Variants in ASXL2 observed in about 807,000 individuals in gnomAD.
ASXL2 encodes the protein ASXL transcriptional regulator 2.
Under a neutral mutation model 122.0 loss-of-function variants are expected in ASXL2, and 23 were observed. The observed-to-expected ratio is 0.19, with a 90% CI of 0.14 to 0.27. The LOEUF is 0.27. Among genes scored for constraint, ASXL2 ranks in the 10% least tolerant of loss-of-function variants. The probability of loss-of-function intolerance (pLI) is 1.00; values close to 1 mark genes in which losing one functional copy is unlikely to be tolerated. For missense variants in ASXL2, 1,518 were observed against 1,713.8 expected (o/e 0.89, Z 2.02); for synonymous variants, 650 against 637.0 (o/e 1.02, Z -0.31).
chr2:25,828,699 C>A (rs1182892930), intron 3 of ASXL2, among the ~76,000 whole-genome samples: 1 of 150,968 alleles, frequency 6.6e-6, no homozygotes, highest in Admixed American at 6.6e-5. Context: ...GTGGCAGGCA[C>A]CTGTAATCCC....
intron 4 of ASXL2, among the ~76,000 whole-genome samples, chr2:25,800,430 T>C (rs747967105): frequency 1.3e-5 from 2 of 152,066 alleles, no homozygotes; most frequent in South Asian, 2.1e-4. Context: ...TTGAATCTAA[T>C]TGGTTCCTGA....
At chr2:25,754,808 T>C (rs1195293145) in intron 10 of ASXL2, among the ~76,000 whole-genome samples, 1 of 151,776 alleles carries the variant, frequency 6.6e-6, no homozygotes, top group Non-Finnish European at 1.5e-5. Flanking sequence ...CCGGTAGAAC[T>C]GGTATGTTTT....
intron 12 of ASXL2, among the ~76,000 whole-genome samples, chr2:25,746,116 C>A (rs573355931): frequency 3.9e-4 from 59 of 152,112 alleles, no homozygotes; most frequent in Non-Finnish European, 7.5e-4. Context: ...TGTTCTAAAG[C>A]ATTTAATTAA....
chr2:25,856,709 C>T (rs1286329094), intron 1 of ASXL2: 9 of 1,296,606 alleles, frequency 6.9e-6, no homozygotes, highest in Admixed American at 1.7e-5. Flanking sequence ...ATACCTGGAT[C>T]GATTCAGTCA....
chr2:25,837,405 T>C (rs12990402), intron 2 of ASXL2, among the ~76,000 whole-genome samples: 1 of 152,366 alleles, frequency 6.6e-6, no homozygotes, highest in Non-Finnish European at 1.5e-5. Context: ...CTCAAGTTCT[T>C]ATCTGTTAGA....
chr2:25,735,421 CAA>C lies in ASXL2; in HGVS notation c.*6606_*6607del, dbSNP rs1022286432. 6.6e-6 allele frequency: 1 copy of C among 151,906 alleles called. No individual in the cohort carries two copies. The highest frequency in any genetic ancestry group is 1.9e-4 in the East Asian group (1 of 5,170). 9.4% of individuals were successfully genotyped at this position (151,906 alleles called of 1,614,324 possible). On this transcript the variant is annotated 3_prime_UTR_variant, in exon 13 of 13. Coordinates refer to ENST00000435504, the MANE Select transcript of ASXL2 (RefSeq NM_018263.6). ...GCCCTTTTTAATTCAAGTTGTGACT[CAA>C]GAGAAAAAAGGAAAAGCCACTTCTA... is the stretch of plus-strand genomic sequence containing the variant.
At chr2:25,847,111 TC>T (rs931688718) in intron 1 of ASXL2, among the ~76,000 whole-genome samples, 1 of 152,248 alleles carries the variant, frequency 6.6e-6, no homozygotes, top group Non-Finnish European at 1.5e-5. Context: ...CAGTAATATT[TC>T]CAAACATAAT....
At chr2:25,842,119 A>C (rs1470978935) in intron 2 of ASXL2, among the ~76,000 whole-genome samples, 2 of 151,688 alleles carry the variant, frequency 1.3e-5, no homozygotes, top group East Asian at 3.9e-4. Flanking sequence ...TCTCAAAAAA[A>C]AAAGAAAAAA....
rs556979072 is a variant in ASXL2, at chr2:25,748,308, G to C, written c.1860+1388C>G. 1.2e-4 allele frequency among the ~76,000 whole-genome samples: 18 copies of C among 152,198 alleles called. No individual in the cohort carries two copies. In the South Asian group the frequency reaches 3.7e-3, roughly 32 times the overall value. ...GAGGTCAGGAGTTTGGGACCAGCCT[G>C]GCCAACATGGTGAAACCCCATCTCT... On this transcript the variant is annotated intron_variant, in intron 12 of 12. Coordinates refer to ENST00000435504, the MANE Select transcript of ASXL2 (RefSeq NM_018263.6).
chr2:25,849,467 A>AAAG (rs1328141550), intron 1 of ASXL2, among the ~76,000 whole-genome samples: 2 of 151,550 alleles, frequency 1.3e-5, no homozygotes, highest in Non-Finnish European at 2.9e-5. Flanking sequence ...AAAAAAAAAA[A>AAAG]AAAAAAGTTT....
At chr2:25,856,333 A>T in intron 1 of ASXL2, 1 of 457,864 alleles carries the variant, frequency 2.2e-6, no homozygotes. Context: ...CTGGGATTAC[A>T]GGCATGAGCC....
chr2:25,870,079 G>A (rs575669525), intron 1 of ASXL2, among the ~76,000 whole-genome samples: 25 of 152,092 alleles, frequency 1.6e-4, no homozygotes, highest in African/African-American at 5.3e-4. Context: ...AGAAGCATTC[G>A]TTAACTTATA....
chr2:25,828,517 AAAAT>A (rs2089406126), intron 3 of ASXL2, among the ~76,000 whole-genome samples: 1 of 133,712 alleles, frequency 7.5e-6, no homozygotes, highest in African/African-American at 2.8e-5. Flanking sequence ...TCAAAAAAAA[AAAAT>A]AAAAAGAAAA....
At chr2:25,780,253 T>C (rs1486299001) in intron 5 of ASXL2, 2 of 152,158 alleles carry the variant, frequency 1.3e-5, no homozygotes, top group African/African-American at 4.8e-5. Flanking sequence ...TCTTACTCTG[T>C]TGCCCAGGCG....
At chr2:25,871,342 T>C (rs993810927) in intron 1 of ASXL2, among the ~76,000 whole-genome samples, 4 of 152,154 alleles carry the variant, frequency 2.6e-5, no homozygotes, top group Non-Finnish European at 4.4e-5. Flanking sequence ...CAAGAGTAGA[T>C]AGAATCTGTG....
At chr2:25,861,265 G>C (rs1421744776) in intron 1 of ASXL2, among the ~76,000 whole-genome samples, 3 of 151,996 alleles carry the variant, frequency 2.0e-5, no homozygotes, top group African/African-American at 7.2e-5. Context: ...CAAATTAGTA[G>C]TACCACAAAT....
At chr2:25,862,889 A>G (rs1220959517) in intron 1 of ASXL2, among the ~76,000 whole-genome samples, 1 of 151,848 alleles carries the variant, frequency 6.6e-6, no homozygotes, top group Non-Finnish European at 1.5e-5. Flanking sequence ...TACAGGTGTG[A>G]GCCATCACGC....
Position 25,735,953 on chromosome 2 carries a change from T to G in ASXL2, c.*6076A>C, listed in dbSNP as rs535069953. 6.6e-6 allele frequency: 1 copy of G among 152,344 alleles called. No homozygotes were observed. Among genetic ancestry groups the G allele is most frequent in the African/African-American group, 2.4e-5 (1 of 41,582 alleles). 9.4% of individuals were successfully genotyped at this position (152,344 alleles called of 1,614,324 possible). On this transcript the variant is annotated 3_prime_UTR_variant, in exon 13 of 13. Coordinates refer to ENST00000435504, the MANE Select transcript of ASXL2 (RefSeq NM_018263.6). ...CTTGGGAAAAAGGTAGTATTACTCC[T>G]TGAGCCTAGAACTAAAAACATGCTG...
At chr2:25,826,595 A>AT (rs1194034252) in intron 3 of ASXL2, among the ~76,000 whole-genome samples, 1 of 151,910 alleles carries the variant, frequency 6.6e-6, no homozygotes, top group Non-Finnish European at 1.5e-5. Context: ...TCTCTTGTCC[A>AT]TTTTTTCCGT....
Sources: gnomAD v4.1 joint callset for allele counts (sites outside exome capture counted in the v4.1 genomes callset) on GRCh38, gnomAD v4.1.1 for gene constraint, MANE v1.5 for transcripts, NCBI Gene and HGNC (gene_info 2026-07-23, HGNC 2026-07-21) for gene names.